Variants in PGM2L1 observed in about 807,000 individuals in gnomAD.
PGM2L1 encodes glucose 1,6-bisphosphate synthase.
In PGM2L1, 35 loss-of-function variants were observed where a neutral mutation model predicts 73.4. The ratio of observed to expected loss-of-function variants is 0.48; its 90% CI spans 0.36 to 0.63. PGM2L1 has a LOEUF of 0.63. Among genes scored for constraint, PGM2L1 ranks in the 30% least tolerant of loss-of-function variants. The pLI is 0.00. For synonymous variants in PGM2L1, 225 were observed against 253.8 expected (o/e 0.89, Z 1.08); for missense variants, 570 against 742.0 (o/e 0.77, Z 2.69).
intron 3 of PGM2L1, 116 bp downstream of exon 3, chr11:74,371,595 G>T: frequency 1.4e-6 from 1 of 715,562 alleles, no homozygotes; most frequent in Non-Finnish European, 2.3e-6. Context: ...ATTAGCATGT[G>T]ATCACATTTC....
chr11:74,357,899 C>T (rs143367185), intron 5 of PGM2L1, among the ~76,000 whole-genome samples: 26 of 152,200 alleles, frequency 1.7e-4, no homozygotes, highest in East Asian at 1.5e-3. Context: ...GGAATTACTA[C>T]GTGAAAGAAG....
chr11:74,346,270 C>CAAAAAAAAAAAAAAAAAAAA (rs751742460), intron 8 of PGM2L1, among the ~76,000 whole-genome samples: 25 of 57,884 alleles, frequency 4.3e-4, no homozygotes, highest in East Asian at 6.3e-4. Context: ...ACTATGTCTC[C>CAAAAAAAAAAAAAAAAAAAA]AAAAAAAAAA....
chr11:74,389,207 T>A (rs908140230), intron 1 of PGM2L1, among the ~76,000 whole-genome samples: 3 of 152,272 alleles, frequency 2.0e-5, no homozygotes, highest in Admixed American at 2.0e-4. Flanking sequence ...TGCAGTGAGC[T>A]ATGATCACAC....
intron 1 of PGM2L1, among the ~76,000 whole-genome samples, chr11:74,381,355 C>T (rs1281533044): frequency 2.0e-5 from 3 of 152,052 alleles, no homozygotes; most frequent in Non-Finnish European, 4.4e-5. Flanking sequence ...TCCTCTTTCC[C>T]CATTTACCCA....
At chr11:74,375,098 G>A (rs1168900377) in intron 1 of PGM2L1, among the ~76,000 whole-genome samples, 1 of 152,128 alleles carries the variant, frequency 6.6e-6, no homozygotes, top group African/African-American at 2.4e-5. Context: ...CCAGTTACCT[G>A]CCTAGACCTC....
At chr11:74,395,482 G>A (rs1389401152) in intron 1 of PGM2L1, among the ~76,000 whole-genome samples, 1 of 143,874 alleles carries the variant, frequency 7.0e-6, no homozygotes, top group Non-Finnish European at 1.5e-5. Flanking sequence ...CGCCTCCCAA[G>A]TTCAAGTGAT....
At position 74,345,544 on chromosome 11, in the gene PGM2L1, G is replaced by A. The variant is rs1464487326; in HGVS notation, c.1143C>T (p.Asn381=). 2 of 1,613,346 alleles carry A rather than the reference G, an allele frequency of 1.2e-6. No homozygotes were observed. The highest frequency in any genetic ancestry group is 2.2e-5 in the East Asian group (1 of 44,844). ...KNKSRNADVK[N]VYMLATTVSS... ...AGACTGTGGTGGCTAACATATAAAC[G>A]TTCTTCACATCAGCATTTCTTGATT... is the stretch of plus-strand genomic sequence containing the variant. The change falls in exon 9 of 14, where the codon AAC becomes AAT. Residue 381 remains asparagine, a synonymous_variant. Transcript: ENST00000298198.
chr11:74,337,541 G>T (rs1431098496), intron 13 of PGM2L1, among the ~76,000 whole-genome samples: 1 of 152,104 alleles, frequency 6.6e-6, no homozygotes, highest in African/African-American at 2.4e-5. Context: ...AATATATATT[G>T]AGCAATTACA....
At chr11:74,350,294 C>A (rs1388374278) in intron 6 of PGM2L1, among the ~76,000 whole-genome samples, 2 of 151,910 alleles carry the variant, frequency 1.3e-5, no homozygotes, top group Non-Finnish European at 2.9e-5. Context: ...ACTCAGCTAG[C>A]CAGGATTCTT....
At chr11:74,381,550 T>C (rs150179533) in intron 1 of PGM2L1, among the ~76,000 whole-genome samples, 62 of 151,066 alleles carry the variant, frequency 4.1e-4, no homozygotes, top group African/African-American at 1.5e-3. Context: ...TGTAGGGTTT[T>C]TTGTTTGTTT....
rs1050136460 is a variant in PGM2L1, at chr11:74,351,691, G to A, written c.556-115C>T. On this transcript the variant is annotated intron_variant, in intron 5 of 13. Coordinates refer to ENST00000298198, the MANE Select transcript of PGM2L1 (RefSeq NM_173582.6). ...AGCATATCAAATTGAGGCCAGGCAC[G>A]GTGGCTCACGCCTGTAATCTCAGCA... The A allele has an allele frequency of 1.7e-5, 15 of 903,970 alleles. 1 individual carries two copies. The highest frequency in any genetic ancestry group is 1.3e-4 in the South Asian group (7 of 53,704). The allele number at this position is 903,970 out of a possible 1,614,324, so 56.0% of individuals were successfully genotyped here.
At position 74,355,590 on chromosome 11, in the gene PGM2L1, T is replaced by C. The variant is rs1291764226; in HGVS notation, c.556-4014A>G. 9 of 356,222 alleles carry C rather than the reference T, an allele frequency of 2.5e-5. 1 individual carries two copies. The highest frequency in any genetic ancestry group is 9.7e-5 in the South Asian group (4 of 41,360). The allele number at this position is 356,222 out of a possible 1,614,324, so 22.1% of individuals were successfully genotyped here. On this transcript the variant is annotated intron_variant, in intron 5 of 13. Transcript: ENST00000298198. ...AAAAAAAAAAAAAAATTTGGATCCA[T>C]GAAGGGAAGAAACTTTGGAGGCAGA...
intron 1 of PGM2L1, among the ~76,000 whole-genome samples, chr11:74,377,284 C>T (rs1224891426): frequency 6.6e-6 from 1 of 152,050 alleles, no homozygotes; most frequent in Non-Finnish European, 1.5e-5. Flanking sequence ...CAGGCGCCCG[C>T]CACCACGCCC....
rs1333801735 is a variant in PGM2L1 at position 74,335,784 on chromosome 11, C to G, written c.*868G>C. On this transcript the variant is annotated 3_prime_UTR_variant, in exon 14 of 14. Coordinates refer to ENST00000298198, the MANE Select transcript of PGM2L1 (RefSeq NM_173582.6). ...ACATTAAGCTTGCTTTTATTAAGAT[C>G]TTTATTTATATTCCTAAGATTTTAA... 1 of 152,442 alleles carries G rather than the reference C, an allele frequency of 6.6e-6. No homozygotes were observed. Among genetic ancestry groups the G allele is most frequent in the Admixed American group, 6.6e-5 (1 of 15,246 alleles). 9.4% of individuals were successfully genotyped at this position (152,442 alleles called of 1,614,324 possible).
rs1488851122 is a variant in PGM2L1 at position 74,398,129 on chromosome 11, G to T, written c.33C>A (p.Ser11=). The T allele has an allele frequency of 6.2e-7, 1 of 1,613,222 alleles. No individual in the cohort carries two copies. MAENTEGDLN[S]NLLHAPYHTG... ...TGTGGTAGGGGGCGTGGAGCAGGTT[G>T]GAGTTCAGATCCCCCTCTGTGTTTT... Residue 11 remains serine, a synonymous_variant, in exon 1 of 14, where the codon TCC becomes TCA. Transcript: ENST00000298198.
chr11:74,379,910 G>C (rs967081693), intron 1 of PGM2L1, among the ~76,000 whole-genome samples: 2 of 151,972 alleles, frequency 1.3e-5, no homozygotes, highest in Non-Finnish European at 2.9e-5. Flanking sequence ...TGGACAACAA[G>C]AGTGAAATTC....
intron 5 of PGM2L1, among the ~76,000 whole-genome samples, chr11:74,358,329 TA>T (rs972726001): frequency 6.6e-6 from 1 of 152,026 alleles, no homozygotes; most frequent in African/African-American, 2.4e-5. Context: ...TAAAGTTTGT[TA>T]AAAAAAATCC....
At chr11:74,348,681 T>TAA (rs1862304564) in intron 6 of PGM2L1, among the ~76,000 whole-genome samples, 1 of 152,320 alleles carries the variant, frequency 6.6e-6, no homozygotes, top group Admixed American at 6.5e-5. Flanking sequence ...AAGTCTCTTT[T>TAA]AATCTGTAAA....
chr11:74,353,182 T>TTTGTG (rs1034197121), intron 5 of PGM2L1, among the ~76,000 whole-genome samples: 3 of 151,580 alleles, frequency 2.0e-5, no homozygotes, highest in Non-Finnish European at 4.4e-5. Context: ...GAATGTTTTT[T>TTTGTG]TGTGTGTGTG....
Sources: gnomAD v4.1 joint callset for allele counts (sites outside exome capture counted in the v4.1 genomes callset) on GRCh38, gnomAD v4.1.1 for gene constraint, MANE v1.5 for transcripts, NCBI Gene and HGNC (gene_info 2026-07-23, HGNC 2026-07-21) for gene names.